The following GNE variants were observed in gnomAD, a reference collection of about 807,000 sequenced individuals.
GNE encodes bifunctional UDP-N-acetylglucosamine 2-epimerase/N-acetylmannosamine kinase.
A neutral mutation model predicts 61.8 loss-of-function variants in GNE; 41 were observed. The ratio of observed to expected loss-of-function variants is 0.66; its 90% CI spans 0.52 to 0.86. The LOEUF (loss-of-function observed/expected upper bound fraction) is 0.86. Among genes scored for constraint, GNE ranks in the 40% least tolerant of loss-of-function variants. GNE has a pLI of 0.00. For missense variants in GNE, 608 were observed against 909.1 expected (o/e 0.67, Z 4.26); for synonymous variants, 264 against 326.4 (o/e 0.81, Z 2.06).
At chr9:36,234,233 C>T (rs1047790747) in intron 4 of GNE, 101 bp from the exon 5 acceptor site, 2 of 906,540 alleles carry the variant, frequency 2.2e-6, no homozygotes, top group African/African-American at 1.6e-5. Flanking sequence ...CCTAAAAAAA[C>T]CTCACATCAG....
Position 36,223,376 on chromosome 9 carries a change from C to T in GNE, c.1408G>A (p.Val470Ile). ...GATTTATAATTTACAATCTTACCTA[C>T]TCCCAAAATTCTGCAGTTCAGTTTT... Reference protein sequence around the residue: ...AVKLNCRILGVGISTGGRVNP... With the variant: ...AVKLNCRILGIGISTGGRVNP... The change falls in exon 8 of 12, where the codon GTA (valine) becomes ATA (isoleucine). Residue 470 changes from valine (V) to isoleucine (I), a missense_variant. Physicochemically the swap from Val to Ile is conservative, Grantham distance 29. Coordinates refer to ENST00000642385, the MANE Select transcript of GNE (RefSeq NM_005476.7). The T allele has an allele frequency of 7.4e-6, 12 of 1,612,708 alleles. No individual in the cohort carries two copies. The highest frequency in any genetic ancestry group is 1.0e-5 in the Non-Finnish European group (12 of 1,178,666).
chr9:36,268,531 G>A (rs533976676), intron 1 of GNE, among the ~76,000 whole-genome samples: 2 of 152,070 alleles, frequency 1.3e-5, no homozygotes, highest in East Asian at 1.9e-4. Flanking sequence ...GCTGGGTATC[G>A]TGGCATGCAC....
intron 3 of GNE, among the ~76,000 whole-genome samples, chr9:36,238,145 C>CATAT (rs35015617): frequency 3.1e-4 from 46 of 149,362 alleles, no homozygotes; most frequent in African/African-American, 5.2e-4. Context: ...CACACACACA[C>CATAT]ATATATATAC....
At chr9:36,270,874 G>A (rs1329131716) in intron 1 of GNE, among the ~76,000 whole-genome samples, 4 of 152,086 alleles carry the variant, frequency 2.6e-5, no homozygotes. Flanking sequence ...ACATTGTAAG[G>A]CCCCATCTCT....
intron 1 of GNE, among the ~76,000 whole-genome samples, chr9:36,254,231 A>AATAAATAAATAC (rs1289386565): frequency 6.6e-6 from 1 of 150,728 alleles, no homozygotes; most frequent in African/African-American, 2.4e-5. Flanking sequence ...TAAATAAATA[A>AATAAATAAATAC]AAACAAGAAA....
At chr9:36,246,675 T>TG (rs1829890716) in intron 2 of GNE, among the ~76,000 whole-genome samples, 193 bp from the exon 3 acceptor site, 1 of 147,550 alleles carries the variant, frequency 6.8e-6, no homozygotes, top group Admixed American at 6.8e-5. Context: ...TTTTTTTTTT[T>TG]TTTTTTTTTT....
At chr9:36,264,300 G>T (rs147194142) in intron 1 of GNE, among the ~76,000 whole-genome samples, 1,882 of 151,936 alleles carry the variant, frequency 0.012, 36 homozygotes, top group African/African-American at 0.042. Context: ...GCCCGGCTAA[G>T]TTTTTTTGTA....
In GNE at chr9:36,268,220, C is replaced by T. The variant is rs183020618; in HGVS notation, c.51+8674G>A. Reference sequence around the variant, plus strand: ...GAAATGAAGTGAGTCAGAGAATGCTCAGTCATCCCTGACTAATAGAAATTC... The same window carrying T: ...GAAATGAAGTGAGTCAGAGAATGCTTAGTCATCCCTGACTAATAGAAATTC... On this transcript the variant is annotated intron_variant, in intron 1 of 11. Transcript: ENST00000396594. Among the ~76,000 whole-genome samples the T allele has an allele frequency of 7.0e-3, 1,061 of 152,276 alleles. 12 individuals are homozygous for T. Among genetic ancestry groups the T allele is most frequent in the African/African-American group, 0.024 (977 of 41,548 alleles).
chr9:36,260,738 G>A (rs1161117005), upstream of GNE, among the ~76,000 whole-genome samples: 4 of 151,194 alleles, frequency 2.6e-5, no homozygotes, highest in Admixed American at 2.6e-4. Flanking sequence ...GCGTGGTGGC[G>A]GGCGCCTGTA....
chr9:36,243,346 A>C (rs917181692), intron 3 of GNE, among the ~76,000 whole-genome samples: 2 of 152,158 alleles, frequency 1.3e-5, no homozygotes, highest in Non-Finnish European at 2.9e-5. Context: ...CATCTGGCAC[A>C]TTATTATTTT....
At chr9:36,221,503 T>TA (rs1381674228) in intron 9 of GNE, among the ~76,000 whole-genome samples, 2 of 150,348 alleles carry the variant, frequency 1.3e-5, no homozygotes, top group African/African-American at 4.9e-5. Context: ...TAAAATAGAG[T>TA]AAAAAAACAA....
chr9:36,217,369 T>C lies in GNE; in HGVS notation c.2165A>G (p.Tyr722Cys). 1.9e-6 allele frequency: 3 copies of C among 1,608,118 alleles called. No homozygotes were observed. The highest frequency in any genetic ancestry group is 2.2e-5 in the South Asian group (2 of 90,870). The change falls in exon 12 of 12, where the codon TAC becomes TGC. Residue 722 changes from tyrosine to cysteine, a missense_variant. Physicochemically the swap from Tyr to Cys is radical, Grantham distance 194. Transcript: ENST00000642385. ...MVLDYTTRRI[Y>C] ...TCCATGTCTGTTCCTGGAGGTCTAG[T>C]AGATCCTGCGTGTTGTGTAGTCCAG...
chr9:36,264,332 C>G (rs919742154), intron 1 of GNE, among the ~76,000 whole-genome samples: 1 of 151,940 alleles, frequency 6.6e-6, no homozygotes, highest in African/African-American at 2.4e-5. Flanking sequence ...GATGGGGTTT[C>G]GTCATGTTGC....
upstream of GNE, among the ~76,000 whole-genome samples, chr9:36,261,884 C>G (rs1239953154): frequency 6.8e-6 from 1 of 148,088 alleles, no homozygotes; most frequent in South Asian, 2.1e-4. Flanking sequence ...GATCGCGCCA[C>G]TGCACTCCAG....
At chr9:36,243,303 T>A (rs937029517) in intron 3 of GNE, among the ~76,000 whole-genome samples, 1 of 151,926 alleles carries the variant, frequency 6.6e-6, no homozygotes, top group Non-Finnish European at 1.5e-5. Context: ...CTTTGGCCTC[T>A]CAAAGTACAG....
chr9:36,256,331 G>A (rs1395858875), intron 1 of GNE, among the ~76,000 whole-genome samples: 2 of 135,188 alleles, frequency 1.5e-5, no homozygotes, highest in Non-Finnish European at 3.0e-5. Flanking sequence ...TGCAACCTCC[G>A]CTTCCTGGGT....
chr9:36,257,889 A>G (rs1012114922), intron 1 of GNE, among the ~76,000 whole-genome samples: 2 of 150,254 alleles, frequency 1.3e-5, no homozygotes, highest in Non-Finnish European at 3.0e-5. Context: ...GGAAGCCCAG[A>G]CTCAGAATGT....
intron 1 of GNE, among the ~76,000 whole-genome samples, chr9:36,275,836 C>G (rs1168852060): frequency 2.0e-5 from 3 of 152,094 alleles, no homozygotes; most frequent in African/African-American, 7.2e-5. Flanking sequence ...TAGGAGTAAA[C>G]TGTGTTGGCA....
At chr9:36,274,132 A>G (rs547622877) in intron 1 of GNE, among the ~76,000 whole-genome samples, 1 of 144,512 alleles carries the variant, frequency 6.9e-6, no homozygotes, top group Non-Finnish European at 1.5e-5. Context: ...GTCTTACTCT[A>G]TCACCCAGGC....
Sources: allele counts gnomAD v4.1 joint callset (sites outside exome capture counted in the v4.1 genomes callset), GRCh38; gene constraint gnomAD v4.1.1; transcripts MANE v1.5; gene names NCBI Gene and HGNC (gene_info 2026-07-23, HGNC 2026-07-21).